THOC5: variants seen among roughly 807,000 people sequenced by gnomAD.
THOC5 encodes the protein Fms-interacting protein.
A neutral mutation model predicts 92.9 loss-of-function variants in THOC5; 43 were observed. The ratio of observed to expected loss-of-function variants is 0.46; its 90% CI spans 0.36 to 0.60. The LOEUF (loss-of-function observed/expected upper bound fraction) is 0.60. THOC5 is among the 20% of genes least tolerant of loss of function. The pLI, the probability that THOC5 is intolerant of heterozygous loss-of-function variation, is 0.00. For missense variants in THOC5, 659 were observed against 849.4 expected (o/e 0.78, Z 2.79); for synonymous variants, 296 against 320.1 (o/e 0.92, Z 0.80).
At chr22:29,514,898 G>A (rs1330915428) in intron 17 of THOC5, among the ~76,000 whole-genome samples, 2 of 151,682 alleles carry the variant, frequency 1.3e-5, no homozygotes, top group Non-Finnish European at 2.9e-5. Flanking sequence ...TAGAGACAGG[G>A]TTTGCTATGT....
intron 2 of THOC5, among the ~76,000 whole-genome samples, chr22:29,545,398 C>T (rs761466708): frequency 8.5e-5 from 13 of 152,164 alleles, no homozygotes; most frequent in Admixed American, 4.6e-4. Flanking sequence ...TCCCAACAGT[C>T]GCCCAAAGTC....
chr22:29,528,988 G>A (rs539071050), intron 9 of THOC5, 174 bp downstream of exon 9: 71 of 635,206 alleles, frequency 1.1e-4, no homozygotes, highest in African/African-American at 8.9e-4. Flanking sequence ...TCCACGGGCC[G>A]CACCTTGTGA....
Position 29,543,552 on chromosome 22 carries a change from A to C in THOC5, c.241-10T>G. 1 of 1,603,970 alleles carries C rather than the reference A, an allele frequency of 6.2e-7. No individual in the cohort carries two copies. Among genetic ancestry groups the C allele is most frequent in the Non-Finnish European group, 8.5e-7 (1 of 1,170,946 alleles). On this transcript the variant is annotated splice_polypyrimidine_tract_variant and intron_variant, in intron 3 of 19. Transcript: ENST00000490103. ...CTTCTATTTCTATTGCCTGTGGGCA[A>C]AGAAAACAGTAAAGCCCACTGACGA...
chr22:29,537,184 G>A (rs2063776088), intron 6 of THOC5, among the ~76,000 whole-genome samples: 1 of 152,230 alleles, frequency 6.6e-6, no homozygotes, highest in Admixed American at 6.5e-5. Context: ...ACCCAAAAGA[G>A]GCCCATGGAC....
At chr22:29,544,394 AG>A (rs1290035312) in intron 3 of THOC5, 65 bp downstream of exon 3, 1 of 1,531,446 alleles carries the variant, frequency 6.5e-7, no homozygotes, top group African/African-American at 1.4e-5. Flanking sequence ...GGGCCCTGGT[AG>A]GTGCAAAAAC....
chr22:29,513,027 C>T (rs1394533178), intron 17 of THOC5, among the ~76,000 whole-genome samples: 1 of 152,128 alleles, frequency 6.6e-6, no homozygotes, highest in African/African-American at 2.4e-5. Context: ...GAGAGGTTAA[C>T]ACAATTCTTC....
At chr22:29,545,907 G>A (rs1252890092) in intron 2 of THOC5, among the ~76,000 whole-genome samples, 2 of 152,216 alleles carry the variant, frequency 1.3e-5, no homozygotes, top group African/African-American at 4.8e-5. Flanking sequence ...GACTGTGTGG[G>A]GGCTCTGACC....
At chr22:29,528,529 C>T in intron 9 of THOC5, 63 bp from the exon 10 acceptor site, 1 of 1,576,318 alleles carries the variant, frequency 6.3e-7, no homozygotes. Context: ...TAAAGCACTC[C>T]AACCCACATG....
At position 29,528,408 on chromosome 22, in the gene THOC5, A is replaced by G. The variant is rs374622137; in HGVS notation, c.966+18T>C. On this transcript the variant is annotated intron_variant, in intron 10 of 19. Coordinates refer to ENST00000490103, the MANE Select transcript of THOC5 (RefSeq NM_003678.5). ...CATGCAGCTGCTTGATGCCCCCACA[A>G]GAGGAAATGGTTCTCACCGTAGTCT... 4.3e-6 allele frequency: 7 copies of G among 1,613,874 alleles called. No homozygotes were observed. The highest frequency in any genetic ancestry group is 5.1e-6 in the Non-Finnish European group (6 of 1,180,026).
intron 14 of THOC5, among the ~76,000 whole-genome samples, chr22:29,519,523 G>A (rs150520955): frequency 7.6e-4 from 116 of 152,272 alleles, no homozygotes; most frequent in African/African-American, 2.6e-3. Context: ...CAAAAGGTAC[G>A]TAAACTCTTG....
intron 2 of THOC5, among the ~76,000 whole-genome samples, 152 bp downstream of exon 2, chr22:29,548,899 TG>T (rs1349923917): frequency 6.6e-6 from 1 of 152,106 alleles, no homozygotes; most frequent in East Asian, 1.9e-4. Context: ...TCAGCTTTAG[TG>T]AAGAAACAGG....
intron 6 of THOC5, among the ~76,000 whole-genome samples, chr22:29,537,384 T>C (rs374282965): frequency 6.6e-6 from 1 of 152,248 alleles, no homozygotes; most frequent in Admixed American, 6.5e-5. Flanking sequence ...CTCATGCCTG[T>C]AATTCCAGCA....
At chr22:29,516,375 T>C (rs1008130300) in intron 17 of THOC5, among the ~76,000 whole-genome samples, 2 of 152,206 alleles carry the variant, frequency 1.3e-5, no homozygotes, top group African/African-American at 4.8e-5. Context: ...GAGTTCAGCC[T>C]TTCCTTACAG....
At chr22:29,521,873 C>T (rs1051182065) in intron 12 of THOC5, among the ~76,000 whole-genome samples, 3 of 152,136 alleles carry the variant, frequency 2.0e-5, no homozygotes, top group South Asian at 2.1e-4. Flanking sequence ...CCATGGATAA[C>T]GTCAGGAGCA....
rs1284310525 is a variant in THOC5, at chr22:29,528,371, C to T, written c.966+55G>A. Reference sequence around the variant, plus strand: ...AGGGAGGACGGCACCTGCGAACAAGCATGCCCCAGTGCATGCAGCTGCTTG... The same window carrying T: ...AGGGAGGACGGCACCTGCGAACAAGTATGCCCCAGTGCATGCAGCTGCTTG... On this transcript the variant is annotated intron_variant, in intron 10 of 19. Coordinates refer to ENST00000490103, the MANE Select transcript of THOC5 (RefSeq NM_003678.5). 10 of 1,613,996 alleles carry T rather than the reference C, an allele frequency of 6.2e-6. No individual in the cohort carries two copies. The Admixed American group carries it at 1.7e-4, about 27-fold the overall frequency.
Position 29,531,264 on chromosome 22 carries a change from G to A in THOC5, c.847+567C>T, listed in dbSNP as rs746069096. The A allele has an allele frequency of 2.0e-5, 20 of 985,320 alleles. No homozygotes were observed. In the Admixed American group the frequency reaches 2.5e-4, roughly 12 times the overall value. The allele number at this position is 985,320 out of a possible 1,614,324, so 61.0% of individuals were successfully genotyped here. Reference sequence around the variant, plus strand: ...TCTGTCTGATGAGGTGGGGTGGGGTGGGGGAGAAAATGTAGGTGCTGGGTG... The same window carrying A: ...TCTGTCTGATGAGGTGGGGTGGGGTAGGGGAGAAAATGTAGGTGCTGGGTG... On this transcript the variant is annotated intron_variant, in intron 8 of 19. Transcript: ENST00000490103.
Position 29,510,464 on chromosome 22 carries a change from G to A in THOC5, c.1988+642C>T, listed in dbSNP as rs186044155. Among the ~76,000 whole-genome samples the A allele has an allele frequency of 5.3e-3, 814 of 152,188 alleles. 14 individuals are homozygous for A. Among genetic ancestry groups the A allele is most frequent in the Middle Eastern group, 0.044 (13 of 294 alleles). ...AATTTAAAAATTAGTTGCGTGTGGCGGTGCATGTCTGTGGTCCCAGCTACT... is the reference window on the plus strand; with the variant it reads ...AATTTAAAAATTAGTTGCGTGTGGCAGTGCATGTCTGTGGTCCCAGCTACT... On this transcript the variant is annotated intron_variant, in intron 19 of 19. Coordinates refer to ENST00000490103, the MANE Select transcript of THOC5 (RefSeq NM_003678.5).
At chr22:29,510,034 AGAAGG>A (rs1317820390) in intron 19 of THOC5, among the ~76,000 whole-genome samples, 10 of 152,230 alleles carry the variant, frequency 6.6e-5, no homozygotes, top group African/African-American at 2.4e-4. Flanking sequence ...AACCTCATGC[AGAAGG>A]GAAGGGATGC....
At position 29,507,299 on chromosome 22, in the gene THOC5, GT is replaced by G. The variant is rs1252534694; in HGVS notation, c.*1157del. On this transcript the variant is annotated 3_prime_UTR_variant, in exon 20 of 20. Transcript: ENST00000490103. ...AGACTATTCAACCCTGAGACAGTAT[GT>G]GAAGACCTTTATGGTGATCCACTTC... 1 of 152,022 alleles carries G rather than the reference GT, an allele frequency of 6.6e-6. No homozygotes were observed. Among genetic ancestry groups the G allele is most frequent in the African/African-American group, 2.4e-5 (1 of 41,380 alleles). 9.4% of individuals were successfully genotyped at this position (152,022 alleles called of 1,614,324 possible).
Sources: gnomAD v4.1 joint callset for allele counts (sites outside exome capture counted in the v4.1 genomes callset) on GRCh38, gnomAD v4.1.1 for gene constraint, MANE v1.5 for transcripts, NCBI Gene and HGNC (gene_info 2026-07-23, HGNC 2026-07-21) for gene names.